The following VAV2 variants were observed in gnomAD, a reference collection of about 807,000 sequenced individuals.
VAV2 encodes guanine nucleotide exchange factor VAV2.
In VAV2, 67 loss-of-function variants were observed where a neutral mutation model predicts 132.5. That is an observed-to-expected ratio of 0.51 (90% CI 0.42 to 0.62). The LOEUF is 0.62. Ranked by LOEUF, VAV2 falls within the 20% of genes least tolerant of loss-of-function variation. The pLI is 0.00. For missense variants in VAV2, 938 were observed against 1,153.6 expected (o/e 0.81, Z 2.71); for synonymous variants, 492 against 443.5 (o/e 1.11, Z -1.37).
intron 19 of VAV2, among the ~76,000 whole-genome samples, chr9:133,781,663 T>C (rs1305418976): frequency 1.3e-5 from 2 of 152,180 alleles, no homozygotes; most frequent in African/African-American, 4.8e-5. Flanking sequence ...AAAGGAGCAC[T>C]TTCCAGAGCC....
At chr9:133,816,801 A>G (rs1835576212) in intron 4 of VAV2, among the ~76,000 whole-genome samples, 1 of 152,262 alleles carries the variant, frequency 6.6e-6, no homozygotes, top group Non-Finnish European at 1.5e-5. Context: ...AAACCAATTG[A>G]CCAAATAAGG....
At chr9:133,938,333 A>G (rs2810524) in intron 2 of VAV2, among the ~76,000 whole-genome samples, 135,028 of 152,174 alleles carry the variant, frequency 0.89, 60,518 homozygotes, top group East Asian at 0.98. Flanking sequence ...AGCTATTGAG[A>G]CCCTGATCCC....
chr9:133,837,391 C>T (rs896892985), intron 3 of VAV2, among the ~76,000 whole-genome samples: 9 of 152,192 alleles, frequency 5.9e-5, no homozygotes, highest in Non-Finnish European at 8.8e-5. Context: ...TAAGGCACAA[C>T]AGTCATTTCA....
intron 4 of VAV2, among the ~76,000 whole-genome samples, chr9:133,831,413 G>A (rs1836258425): frequency 1.3e-5 from 2 of 151,742 alleles, no homozygotes. Flanking sequence ...TCCAGCCTGG[G>A]TGACAAGAGC....
rs772219909 is a variant in VAV2 at position 133,788,347 on chromosome 9, G to T, written c.1407+7C>A. 13 of 1,601,942 alleles carry T rather than the reference G, an allele frequency of 8.1e-6. No homozygotes were observed. The highest frequency in any genetic ancestry group is 1.0e-5 in the Non-Finnish European group (12 of 1,169,884). ...CTGGGTAGCAGGGGGGACCCGGAAG[G>T]CCCCACCTTCTTGACGTCCTTGTTG... On this transcript the variant is annotated splice_region_variant and intron_variant, in intron 15 of 29. Coordinates refer to ENST00000371850, the MANE Select transcript of VAV2 (RefSeq NM_001134398.2). This position sits in a 1 kb window ranked among gnomAD's most constrained non-coding sequence, Gnocchi z 5.3.
At chr9:133,843,778 C>A (rs916674511) in intron 3 of VAV2, among the ~76,000 whole-genome samples, 1 of 152,170 alleles carries the variant, frequency 6.6e-6, no homozygotes, top group Non-Finnish European at 1.5e-5. Flanking sequence ...GGGGTGGAGT[C>A]GAGAGTGACC....
chr9:133,794,177 C>G lies in VAV2; in HGVS notation c.1101+1491G>C, dbSNP rs578064062. On this transcript the variant is annotated intron_variant, in intron 12 of 29. Coordinates refer to ENST00000371850, the MANE Select transcript of VAV2 (RefSeq NM_001134398.2). This position sits in a 1 kb window ranked among gnomAD's most constrained non-coding sequence, Gnocchi z 4.6. ...CCTGCTGTCACTGTCTCAGAGCCCC[C>G]GAGGACGCATCCACGCTGGCTCACA... Among the ~76,000 whole-genome samples the G allele has an allele frequency of 6.6e-6, 1 of 152,140 alleles. No individual in the cohort carries two copies. Among genetic ancestry groups the G allele is most frequent in the Non-Finnish European group, 1.5e-5 (1 of 68,032 alleles).
rs949352244 is a variant in VAV2, at chr9:133,823,024, G to A, written c.450-10808C>T. Among the ~76,000 whole-genome samples, 1 of 152,234 alleles carries A rather than the reference G, an allele frequency of 6.6e-6. No individual in the cohort carries two copies. Among genetic ancestry groups the A allele is most frequent in the Non-Finnish European group, 1.5e-5 (1 of 68,036 alleles). ...GGCTGAGATGAAGCGGCAAAGCCCA[G>A]GGCCTGGCTCTCAGGGGACAGGAGC... is the stretch of plus-strand genomic sequence containing the variant. On this transcript the variant is annotated intron_variant, in intron 4 of 29. Transcript: ENST00000371850. The surrounding 1 kb of genome is among the most constrained non-coding windows in gnomAD (Gnocchi z 5.5).
chr9:133,939,065 C>G (rs182938440), intron 2 of VAV2, 38 bp downstream of exon 2: 2 of 1,597,184 alleles, frequency 1.3e-6, no homozygotes, highest in Non-Finnish European at 1.7e-6. Flanking sequence ...TCGGCCACCA[C>G]AGCTGAGCGA....
At chr9:133,785,577 T>C (rs1834184719) in intron 17 of VAV2, among the ~76,000 whole-genome samples, 199 bp downstream of exon 17, 2 of 152,306 alleles carry the variant, frequency 1.3e-5, no homozygotes, top group South Asian at 4.1e-4. Context: ...CCTCTCACTC[T>C]GGACTGATTG....
At chr9:133,925,543 A>G (rs1840446062) in intron 2 of VAV2, among the ~76,000 whole-genome samples, 1 of 152,148 alleles carries the variant, frequency 6.6e-6, no homozygotes, top group Admixed American at 6.5e-5. Flanking sequence ...AAAGATTGAG[A>G]ATCAAAAGGA....
chr9:133,933,358 G>A (rs1357103329), intron 2 of VAV2, among the ~76,000 whole-genome samples: 1 of 152,260 alleles, frequency 6.6e-6, no homozygotes, highest in Non-Finnish European at 1.5e-5. Context: ...CATACTAAGT[G>A]CTTACTAAAT....
chr9:133,904,674 C>T (rs537821745), intron 2 of VAV2, among the ~76,000 whole-genome samples: 8 of 152,354 alleles, frequency 5.3e-5, no homozygotes, highest in South Asian at 4.1e-4. Flanking sequence ...GCCACGGGGC[C>T]GTCGGGTGCC....
chr9:133,945,295 G>A (rs1841318832), intron 1 of VAV2, among the ~76,000 whole-genome samples: 1 of 152,196 alleles, frequency 6.6e-6, no homozygotes, highest in African/African-American at 2.4e-5. Flanking sequence ...AGAGGAGATG[G>A]GGAGGCACTG....
At position 133,895,974 on chromosome 9, in the gene VAV2, C is replaced by T. The variant is rs1250618487; in HGVS notation, c.322-34542G>A. The stretch of plus-strand genomic sequence containing the variant: ...TAATTGATCATTCTTGGGTGTTTCT[C>T]GCAGAGGGGGATTTGGCAGGGTCAT... On this transcript the variant is annotated intron_variant, in intron 2 of 29. Transcript: ENST00000371850. Among the ~76,000 whole-genome samples, 6 of 127,986 alleles carry T rather than the reference C, an allele frequency of 4.7e-5. 1 individual carries two copies. The highest frequency in any genetic ancestry group is 4.3e-4 in the East Asian group (2 of 4,618). The allele number at this position is 127,986 out of a possible 152,430, so 84.0% of individuals were successfully genotyped here. A position where few individuals can be genotyped will look rare whatever the true frequency, so the allele number is the denominator to read the frequency against.
Position 133,788,979 on chromosome 9 carries a change from C to T in VAV2, c.1274+279G>A, listed in dbSNP as rs1445795494. ...GACCACTCTGGGCCTGTCTTGGGTT[C>T]CTGGAGGCTGAGCATTGGCAGTGAG... is the stretch of plus-strand genomic sequence containing the variant. On this transcript the variant is annotated intron_variant, in intron 14 of 29. Coordinates refer to ENST00000371850, the MANE Select transcript of VAV2 (RefSeq NM_001134398.2). The surrounding 1 kb of genome is among the most constrained non-coding windows in gnomAD (Gnocchi z 5.3). Among the ~76,000 whole-genome samples the T allele has an allele frequency of 6.6e-6, 1 of 152,256 alleles. No individual in the cohort carries two copies. The highest frequency in any genetic ancestry group is 2.4e-5 in the African/African-American group (1 of 41,472).
chr9:133,946,923 T>C lies in VAV2; in HGVS notation c.205-7704A>G, dbSNP rs61352422. ...AGGAGCTGACGCCGTTTGCTCCCTCTGGGTCCCAAATGCCCTGGACAATGC... is the reference window on the plus strand; with the variant it reads ...AGGAGCTGACGCCGTTTGCTCCCTCCGGGTCCCAAATGCCCTGGACAATGC... On this transcript the variant is annotated intron_variant, in intron 1 of 29. Transcript: ENST00000371850. Among the ~76,000 whole-genome samples, 299 of 152,294 alleles carry C rather than the reference T, an allele frequency of 2.0e-3. 1 individual carries two copies. The highest frequency in any genetic ancestry group is 6.7e-3 in the African/African-American group (277 of 41,540).
At chr9:133,904,889 G>A (rs1490440907) in intron 2 of VAV2, among the ~76,000 whole-genome samples, 1 of 152,058 alleles carries the variant, frequency 6.6e-6, no homozygotes, top group Non-Finnish European at 1.5e-5. Context: ...TTTGGCCCTC[G>A]TCCACCATAC....
chr9:133,819,920 T>G (rs189811825), intron 4 of VAV2, among the ~76,000 whole-genome samples: 31 of 152,254 alleles, frequency 2.0e-4, no homozygotes, highest in Non-Finnish European at 1.5e-4. Flanking sequence ...ATTAGGAAAA[T>G]AAAATCAAAC....
Sources: gnomAD v4.1 joint callset for allele counts (sites outside exome capture counted in the v4.1 genomes callset) on GRCh38, gnomAD v4.1.1 for gene constraint, Gnocchi (gnomAD v3.1) non-coding constraint, MANE v1.5 for transcripts, NCBI Gene and HGNC (gene_info 2026-07-23, HGNC 2026-07-21) for gene names.